The following SLC66A1 variants were observed in gnomAD, a reference collection of about 807,000 sequenced individuals.
SLC66A1 encodes lysosomal amino acid transporter 1 homolog.
Under a neutral mutation model 33.0 loss-of-function variants are expected in SLC66A1, and 23 were observed. The ratio of observed to expected loss-of-function variants is 0.70; its 90% CI spans 0.50 to 0.99. The LOEUF (loss-of-function observed/expected upper bound fraction) is 0.99, where lower values mean the gene tolerates loss of function less well. Among genes scored for constraint, SLC66A1 ranks in the 50% least tolerant of loss-of-function variants. SLC66A1 has a pLI of 0.00. For missense variants in SLC66A1, 335 were observed against 383.6 expected, an observed-to-expected ratio of 0.87 and a Z score of 1.06; for synonymous variants, 164 against 175.5, an observed-to-expected ratio of 0.93 and a Z score of 0.52.
rs569323823 is a variant in SLC66A1 at position 19,325,629 on chromosome 1, G to A, written c.382+47G>A. The A allele has an allele frequency of 3.9e-6, 5 of 1,274,150 alleles. No individual in the cohort carries two copies. In the East Asian group the frequency reaches 7.1e-5, roughly 18 times the overall value. 78.9% of individuals were successfully genotyped at this position (1,274,150 alleles called of 1,614,324 possible). On this transcript the variant is annotated intron_variant, in intron 4 of 7. Coordinates refer to ENST00000375153, the MANE Select transcript of SLC66A1 (RefSeq NM_001040125.2). ...TGTCAGATGCTCTACCAGCAGCAGG[G>A]GGCAGTTGTGGGGGGGGGCGCCTGG...
chr1:19,325,636 T>TG (rs201929770), intron 4 of SLC66A1, 54 bp downstream of exon 4: 9,421 of 371,680 alleles, frequency 0.025, 297 homozygotes, highest in African/African-American at 0.12. Context: ...AGGGGGCAGT[T>TG]GTGGGGGGGG....
At chr1:19,319,366 A>G (rs560467440) in intron 2 of SLC66A1, among the ~76,000 whole-genome samples, 1 of 152,304 alleles carries the variant, frequency 6.6e-6, no homozygotes, top group Admixed American at 6.5e-5. Context: ...TGGACATTTC[A>G]TGATTCATAT....
chr1:19,327,175 G>C (rs372222248), intron 6 of SLC66A1, 52 bp from the exon 7 acceptor site: 26 of 1,505,630 alleles, frequency 1.7e-5, no homozygotes, highest in Non-Finnish European at 1.6e-5. Flanking sequence ...TTACAATCCA[G>C]AGTGACAAGA....
intron 2 of SLC66A1, among the ~76,000 whole-genome samples, chr1:19,318,686 G>A (rs532093831): frequency 4.3e-4 from 66 of 152,012 alleles, no homozygotes; most frequent in East Asian, 7.7e-4. Context: ...AATGGCTCAC[G>A]CCTGTAATCC....
Position 19,317,834 on chromosome 1 carries a change from A to G in SLC66A1, c.157A>G (p.Thr53Ala), listed in dbSNP as rs757062039. Residue 53 changes from threonine (T) to alanine (A), a missense_variant, in exon 2 of 8, where the codon ACC becomes GCC. Thr to Ala is a moderately conservative substitution (Grantham distance 58, BLOSUM62 0). Coordinates refer to ENST00000375153, the MANE Select transcript of SLC66A1 (RefSeq NM_001040125.2). ...LISILCFAAS[T>A]FPQFIKAYKT... Reference sequence around the variant, plus strand: ...CTCCATTCTCTGCTTTGCTGCATCTACCTTCCCGTGAGTAGTGTCTTGGTG... The same window carrying G: ...CTCCATTCTCTGCTTTGCTGCATCTGCCTTCCCGTGAGTAGTGTCTTGGTG... The G allele has an allele frequency of 1.9e-6, 3 of 1,612,650 alleles. No homozygotes were observed. Among genetic ancestry groups the G allele is most frequent in the East Asian group, 2.2e-5 (1 of 44,826 alleles).
At chr1:19,319,621 T>TTTTTTGTTTTTTTTTTTTTTTTTTTTG (rs1343830305) in intron 2 of SLC66A1, among the ~76,000 whole-genome samples, 2 of 149,082 alleles carry the variant, frequency 1.3e-5, no homozygotes, top group African/African-American at 5.1e-5. Context: ...TTTTTTTTTT[T>TTTTTTGTTTTTTTTTTTTTTTTTTTTG]GCCTGGTGCA....
In SLC66A1 at chr1:19,313,343, CTT is replaced by C. The variant is rs976315861; in HGVS notation, c.-79+455_-79+456del. 4 of 688,366 alleles carry C rather than the reference CTT, an allele frequency of 5.8e-6. No individual in the cohort carries two copies. The African/African-American group carries it at 7.8e-5, about 13-fold the overall frequency. 42.6% of individuals were successfully genotyped at this position (688,366 alleles called of 1,614,324 possible). On this transcript the variant is annotated intron_variant, in intron 1 of 7. Transcript: ENST00000375153. The stretch of plus-strand genomic sequence containing the variant: ...TTCTCCTTTCTCACCCGTTTCCTCT[CTT>C]CTTCACTCTGTCCTTCTCTCTACCT...
intron 2 of SLC66A1, among the ~76,000 whole-genome samples, chr1:19,323,552 G>A (rs946194519): frequency 6.6e-5 from 10 of 152,064 alleles, no homozygotes; most frequent in African/African-American, 1.4e-4. Context: ...GATTACAGGC[G>A]TGCGCCACCA....
At chr1:19,334,207 G>A (rs1377837046), downstream of SLC66A1, among the ~76,000 whole-genome samples, 3 of 152,194 alleles carry the variant, frequency 2.0e-5, no homozygotes, top group South Asian at 2.1e-4. Context: ...CTCAGTAGGC[G>A]CTGAATGTTT....
At position 19,327,412 on chromosome 1, in the gene SLC66A1, C is replaced by T. The variant is rs746345821; in HGVS notation, c.804C>T (p.Ile268=). Residue 268 remains isoleucine, a splice_region_variant and synonymous_variant, in exon 7 of 8, where the codon ATC becomes ATT. Transcript: ENST00000375153. ...TGGGCGTGCTGCTGCTCGACACCAT[C>T]GTATCCTTCAGGGCGTGTGGGGCAG... is the stretch of plus-strand genomic sequence containing the variant. ...GSLGVLLLDT[I]ISIQFLVYRR... The T allele has an allele frequency of 3.8e-5, 60 of 1,587,056 alleles. No homozygotes were observed. Among genetic ancestry groups the T allele is most frequent in the South Asian group, 8.1e-5 (7 of 86,266 alleles).
In SLC66A1 at chr1:19,312,830, A is replaced by G. The variant is rs568593681; in HGVS notation, c.-138A>G. 2.0e-3 allele frequency: 306 copies of G among 152,748 alleles called. 4 individuals are homozygous for G. The highest frequency in any genetic ancestry group is 1.2e-3 in the Non-Finnish European group (79 of 68,112). 9.5% of individuals were successfully genotyped at this position (152,748 alleles called of 1,614,324 possible). On this transcript the variant is annotated 5_prime_UTR_variant, in exon 1 of 8. Coordinates refer to ENST00000375153, the MANE Select transcript of SLC66A1 (RefSeq NM_001040125.2). ...GAGCTGGGACGCTCCTCCCTCCACA[A>G]TCTCCCCAGGTCTGCAGGGACCGAG...
downstream of SLC66A1, among the ~76,000 whole-genome samples, chr1:19,332,997 T>G (rs1363474262): frequency 6.6e-6 from 1 of 152,156 alleles, no homozygotes; most frequent in Non-Finnish European, 1.5e-5. Context: ...TATGGGGAAG[T>G]GACATGCGCA....
intron 1 of SLC66A1, among the ~76,000 whole-genome samples, chr1:19,314,527 A>T (rs2093795233): frequency 6.6e-6 from 1 of 152,178 alleles, no homozygotes; most frequent in Non-Finnish European, 1.5e-5. Context: ...GGTGGTTGAG[A>T]TGCTGGACTC....
rs1337209330 is a variant in SLC66A1, at chr1:19,328,679, C to T, written c.*36C>T. On this transcript the variant is annotated 3_prime_UTR_variant, in exon 8 of 8. Transcript: ENST00000375153. The surrounding 1 kb of genome is among the most constrained non-coding windows in gnomAD (Gnocchi z 4.7). ...GCTGAGCGCAGGAGGACAGGCACCA[C>T]CGGATGCCACACCAGGCAGGAGGAG... 1 of 1,600,584 alleles carries T rather than the reference C, an allele frequency of 6.2e-7. No homozygotes were observed. Among genetic ancestry groups the T allele is most frequent in the South Asian group, 1.1e-5 (1 of 90,166 alleles).
rs2093812668 is a variant in SLC66A1 at position 19,317,627 on chromosome 1, GCCCT to G, written c.-44_-41del. On this transcript the variant is annotated 5_prime_UTR_variant, in exon 2 of 8. Coordinates refer to ENST00000375153, the MANE Select transcript of SLC66A1 (RefSeq NM_001040125.2). ...CCCTTGCTGGCCTCAGAACACCAGCGCCCTCCCTCCGGTGCAGCCCTGCCTGGCC... is the reference window on the plus strand; with the variant it reads ...CCCTTGCTGGCCTCAGAACACCAGCGCCCTCCGGTGCAGCCCTGCCTGGCC... 5 of 1,598,340 alleles carry G rather than the reference GCCCT, an allele frequency of 3.1e-6. No individual in the cohort carries two copies. The highest frequency in any genetic ancestry group is 4.3e-6 in the Non-Finnish European group (5 of 1,171,974).
At position 19,327,340 on chromosome 1, in the gene SLC66A1, C is replaced by T. The variant is rs367964535; in HGVS notation, c.732C>T (p.Ser244=). ...VLLKNPEEGQ[S]EGSYLLHHLP... Reference sequence around the variant, plus strand: ...TCAAAAACCCCGAGGAGGGCCAGAGCGAGGGCAGCTACCTGCTGCACCACC... The same window carrying T: ...TCAAAAACCCCGAGGAGGGCCAGAGTGAGGGCAGCTACCTGCTGCACCACC... Residue 244 remains serine, a synonymous_variant, in exon 7 of 8, where the codon AGC becomes AGT. Transcript: ENST00000375153. 10 of 1,611,948 alleles carry T rather than the reference C, an allele frequency of 6.2e-6. No homozygotes were observed. Among genetic ancestry groups the T allele is most frequent in the South Asian group, 1.1e-5 (1 of 90,880 alleles).
At chr1:19,316,723 T>C (rs1039802250) in intron 1 of SLC66A1, among the ~76,000 whole-genome samples, 8 of 151,370 alleles carry the variant, frequency 5.3e-5, no homozygotes, top group Admixed American at 2.6e-4. Flanking sequence ...CTGGAGTGCA[T>C]TGGTGTGATC....
intron 2 of SLC66A1, 121 bp from the exon 3 acceptor site, chr1:19,324,512 C>T: frequency 7.7e-7 from 1 of 1,293,216 alleles, no homozygotes. Flanking sequence ...GCCGCCAGGC[C>T]ACTTCCTCTC....
chr1:19,320,646 A>T lies in SLC66A1; in HGVS notation c.164+2805A>T, dbSNP rs1353271701. Among the ~76,000 whole-genome samples the T allele has an allele frequency of 2.0e-5, 3 of 150,752 alleles. No individual in the cohort carries two copies. The East Asian group carries it at 5.9e-4, about 29-fold the overall frequency. ...TAGCCAGGATGGTCTCGATTTCCTG[A>T]CCTTGTGATCCGCCCGCCTTGGCCT... On this transcript the variant is annotated intron_variant, in intron 2 of 7. Coordinates refer to ENST00000375153, the MANE Select transcript of SLC66A1 (RefSeq NM_001040125.2).
Sources: allele counts gnomAD v4.1 joint callset (sites outside exome capture counted in the v4.1 genomes callset), GRCh38; gene constraint gnomAD v4.1.1; non-coding constraint Gnocchi (gnomAD v3.1); transcripts MANE v1.5; gene names NCBI Gene and HGNC (gene_info 2026-07-23, HGNC 2026-07-21).